The following MARCHF6 variants were observed in gnomAD, a reference collection of about 807,000 sequenced individuals.
The protein encoded by MARCHF6 is membrane associated ring-CH-type finger 6.
A neutral mutation model predicts 133.7 loss-of-function variants in MARCHF6; 31 were observed. The observed-to-expected ratio is 0.23, with a 90% CI of 0.17 to 0.31. The LOEUF (loss-of-function observed/expected upper bound fraction) is 0.31, where lower values mean the gene tolerates loss of function less well. Ranked by LOEUF, MARCHF6 falls within the 10% of genes least tolerant of loss-of-function variation. The pLI is 1.00. For synonymous variants in MARCHF6, 395 were observed against 402.5 expected (o/e 0.98, Z 0.22); for missense variants, 723 against 1,121.6 (o/e 0.64, Z 5.08).
At chr5:10,381,618 G>A (rs1436525554) in intron 3 of MARCHF6, among the ~76,000 whole-genome samples, 182 bp from the exon 4 acceptor site, 1 of 151,842 alleles carries the variant, frequency 6.6e-6, no homozygotes, top group Non-Finnish European at 1.5e-5. Context: ...CATGTGATTT[G>A]CCTCATAAAT....
chr5:10,374,404 C>T (rs924465185), intron 1 of MARCHF6, among the ~76,000 whole-genome samples: 5 of 152,216 alleles, frequency 3.3e-5, no homozygotes, highest in African/African-American at 1.2e-4. Context: ...TGGTACCTTA[C>T]GGGCTCTTCT....
chr5:10,433,064 AT>A (rs1394977875), intron 25 of MARCHF6, among the ~76,000 whole-genome samples: 1 of 151,920 alleles, frequency 6.6e-6, no homozygotes, highest in Non-Finnish European at 1.5e-5. Flanking sequence ...CTAATTTTGT[AT>A]TTTTAGTAGA....
intron 15 of MARCHF6, among the ~76,000 whole-genome samples, chr5:10,404,154 A>G (rs1235914487): frequency 6.6e-6 from 1 of 151,278 alleles, no homozygotes; most frequent in Non-Finnish European, 1.5e-5. Context: ...TGGAACCTCC[A>G]CCTCCCAAGT....
At chr5:10,380,275 G>GTTA (rs1231656537) in intron 3 of MARCHF6, among the ~76,000 whole-genome samples, 1 of 151,608 alleles carries the variant, frequency 6.6e-6, no homozygotes, top group Non-Finnish European at 1.5e-5. Context: ...AATGATTAAA[G>GTTA]TTATTACATT....
At chr5:10,387,927 G>A (rs546196309) in intron 5 of MARCHF6, among the ~76,000 whole-genome samples, 2 of 152,290 alleles carry the variant, frequency 1.3e-5, no homozygotes, top group South Asian at 4.1e-4. Flanking sequence ...CTCTCAAAGT[G>A]CTGGGGTTAC....
At position 10,433,795 on chromosome 5, in the gene MARCHF6, A is replaced by G. The variant is rs927823161; in HGVS notation, c.*111A>G. 1.2e-6 allele frequency: 1 copy of G among 860,284 alleles called. No homozygotes were observed. The highest frequency in any genetic ancestry group is 1.9e-6 in the Non-Finnish European group (1 of 523,970). 53.3% of individuals were successfully genotyped at this position (860,284 alleles called of 1,614,324 possible). On this transcript the variant is annotated 3_prime_UTR_variant, in exon 26 of 26. Coordinates refer to ENST00000274140, the MANE Select transcript of MARCHF6 (RefSeq NM_005885.4). ...TCAGCGTTGTTTTTAAGTTAAATGT[A>G]TTTGACTTGTGTTCTCAGCATTCAG...
chr5:10,408,900 T>C (rs902670520), intron 17 of MARCHF6, among the ~76,000 whole-genome samples: 2 of 152,234 alleles, frequency 1.3e-5, no homozygotes, highest in Non-Finnish European at 2.9e-5. Flanking sequence ...TTTGTTACAT[T>C]ACTTTACAAA....
At chr5:10,396,020 G>A (rs946209659) in intron 9 of MARCHF6, among the ~76,000 whole-genome samples, 25 of 152,192 alleles carry the variant, frequency 1.6e-4, no homozygotes, top group African/African-American at 4.3e-4. Flanking sequence ...GACAGAAGTC[G>A]TTGAGGTAGT....
chr5:10,364,929 G>C (rs1736047736), intron 1 of MARCHF6, among the ~76,000 whole-genome samples: 1 of 152,026 alleles, frequency 6.6e-6, no homozygotes, highest in Non-Finnish European at 1.5e-5. Flanking sequence ...TCAGCCTCCT[G>C]AGTAGCTGGG....
intron 2 of MARCHF6, 64 bp from the exon 3 acceptor site, chr5:10,378,695 T>G (rs1736935529): frequency 9.9e-7 from 1 of 1,014,700 alleles, no homozygotes; most frequent in Non-Finnish European, 1.5e-6. Context: ...AACAATGTTT[T>G]CGACAAAACT....
At position 10,360,925 on chromosome 5, in the gene MARCHF6, C is replaced by T. The variant is rs186290867; in HGVS notation, c.19+7008C>T. 5.6e-3 allele frequency among the ~76,000 whole-genome samples: 857 copies of T among 152,270 alleles called. 3 individuals are homozygous for T. Among genetic ancestry groups the T allele is most frequent in the Non-Finnish European group, 9.4e-3 (636 of 68,016 alleles). ...ATGCCTACTTCCCATTTCTTCCAGG[C>T]CAGGCTTACTTTAGTGGGTTTTACT... On this transcript the variant is annotated intron_variant, in intron 1 of 25. Coordinates refer to ENST00000274140, the MANE Select transcript of MARCHF6 (RefSeq NM_005885.4).
chr5:10,412,579 T>C (rs1739292673), intron 19 of MARCHF6, among the ~76,000 whole-genome samples: 1 of 152,008 alleles, frequency 6.6e-6, no homozygotes, highest in Non-Finnish European at 1.5e-5. Flanking sequence ...GAGAGTTGTG[T>C]TGTTTTGTTT....
intron 1 of MARCHF6, among the ~76,000 whole-genome samples, chr5:10,354,954 A>T (rs892556025): frequency 6.6e-6 from 1 of 152,146 alleles, no homozygotes; most frequent in African/African-American, 2.4e-5. Context: ...TTTTTTAAAG[A>T]AGTCTTGCCT....
At chr5:10,367,740 A>C in intron 1 of MARCHF6, among the ~76,000 whole-genome samples, 1 of 152,214 alleles carries the variant, frequency 6.6e-6, no homozygotes, top group African/African-American at 2.4e-5. Flanking sequence ...CAAGAATTTG[A>C]AAAATTACTA....
In MARCHF6 at chr5:10,415,522, G is replaced by A. The variant is rs764837716; in HGVS notation, c.2001G>A (p.Thr667=). 5.6e-6 allele frequency: 9 copies of A among 1,605,140 alleles called. No homozygotes were observed. The highest frequency in any genetic ancestry group is 1.4e-5 in the African/African-American group (1 of 73,378). ...FAGRWLMSFW[T]GTAKIHELYT... is the part of the protein sequence containing the mutation. Reference sequence around the variant, plus strand: ...GCCGTTGGTTAATGTCGTTTTGGACGGGGACTGCCAAAATCCATGAGCTCT... The same window carrying A: ...GCCGTTGGTTAATGTCGTTTTGGACAGGGACTGCCAAAATCCATGAGCTCT... The change falls in exon 21 of 26, where the codon ACG becomes ACA. Residue 667 remains threonine (T), a synonymous_variant. Transcript: ENST00000274140.
At chr5:10,402,191 G>T in intron 12 of MARCHF6, 52 bp downstream of exon 12, 1 of 1,258,852 alleles carries the variant, frequency 7.9e-7, no homozygotes, top group South Asian at 1.2e-5. Context: ...TCATACCAAA[G>T]AACTCTTCAT....
intron 25 of MARCHF6, 110 bp from the exon 26 acceptor site, chr5:10,433,484 T>G: frequency 1.3e-6 from 1 of 784,458 alleles, no homozygotes; most frequent in Middle Eastern, 2.3e-4. Context: ...TCCCTTTGAC[T>G]TGCCCAACCA....
At chr5:10,357,905 G>A (rs1051418094) in intron 1 of MARCHF6, among the ~76,000 whole-genome samples, 1 of 151,632 alleles carries the variant, frequency 6.6e-6, no homozygotes, top group Non-Finnish European at 1.5e-5. Context: ...GGTTATAAAC[G>A]CTGTGGAGAA....
intron 1 of MARCHF6, among the ~76,000 whole-genome samples, chr5:10,370,511 G>C (rs912031606): frequency 3.9e-5 from 6 of 152,098 alleles, no homozygotes; most frequent in African/African-American, 1.4e-4. Flanking sequence ...AATACACCTT[G>C]TTGTGCAACC....
Sources: gnomAD v4.1 joint callset for allele counts (sites outside exome capture counted in the v4.1 genomes callset) on GRCh38, gnomAD v4.1.1 for gene constraint, MANE v1.5 for transcripts, NCBI Gene and HGNC (gene_info 2026-07-23, HGNC 2026-07-21) for gene names.